Variants in TTC28 observed in about 807,000 individuals in gnomAD.
TTC28 encodes the protein tetratricopeptide repeat domain 28.
TTC28 carries 61 observed loss-of-function variants against 198.0 expected under a neutral mutation model. The ratio of observed to expected loss-of-function variants is 0.31; its 90% CI spans 0.25 to 0.38. TTC28 has a LOEUF of 0.38. Ranked by LOEUF, TTC28 falls within the 10% of genes least tolerant of loss-of-function variation. The pLI, the probability that TTC28 is intolerant of heterozygous loss-of-function variation, is 1.00. For synonymous variants in TTC28, 1,171 were observed against 1,297.8 expected, an observed-to-expected ratio of 0.90 and a Z score of 2.10; for missense variants, 2,678 against 3,164.0, an observed-to-expected ratio of 0.85 and a Z score of 3.69.
chr22:28,382,014 A>G (rs1174229260), intron 2 of TTC28, among the ~76,000 whole-genome samples: 1 of 152,164 alleles, frequency 6.6e-6, no homozygotes, highest in African/African-American at 2.4e-5. Flanking sequence ...GTAGATAGCT[A>G]GCCCAACATT....
chr22:28,062,248 C>T (rs1261401761), intron 12 of TTC28, among the ~76,000 whole-genome samples: 3 of 151,434 alleles, frequency 2.0e-5, no homozygotes, highest in Admixed American at 6.6e-5. Flanking sequence ...TTAGTAGAGA[C>T]GGGGGTTTCA....
At chr22:28,244,725 T>C (rs1218960053) in intron 5 of TTC28, among the ~76,000 whole-genome samples, 1 of 152,248 alleles carries the variant, frequency 6.6e-6, no homozygotes, top group Non-Finnish European at 1.5e-5. Context: ...TTTTAATTCA[T>C]GACAAATTAC....
At chr22:28,044,204 C>T (rs1328748209) in intron 12 of TTC28, among the ~76,000 whole-genome samples, 1 of 152,168 alleles carries the variant, frequency 6.6e-6, no homozygotes, top group African/African-American at 2.4e-5. Flanking sequence ...TCTTCTTGTA[C>T]ATCACTTTAG....
intron 1 of TTC28, among the ~76,000 whole-genome samples, 168 bp from the exon 2 acceptor site, chr22:28,629,998 T>C (rs536196298): frequency 6.6e-6 from 1 of 152,242 alleles, no homozygotes; most frequent in Admixed American, 6.5e-5. Context: ...AAATCCCTCA[T>C]GAACAGATTA....
chr22:28,573,935 A>G (rs2050102095), intron 2 of TTC28, among the ~76,000 whole-genome samples: 1 of 152,142 alleles, frequency 6.6e-6, no homozygotes, highest in African/African-American at 2.4e-5. Context: ...TCCCATAAAT[A>G]AGTGAGAAGA....
At chr22:28,264,825 C>A (rs1601549616) in intron 5 of TTC28, among the ~76,000 whole-genome samples, 1 of 152,014 alleles carries the variant, frequency 6.6e-6, no homozygotes, top group Non-Finnish European at 1.5e-5. Flanking sequence ...CTGAAGACTG[C>A]GATATGAGTG....
intron 6 of TTC28, among the ~76,000 whole-genome samples, chr22:28,126,021 A>G (rs1942905337): frequency 6.6e-6 from 1 of 152,210 alleles, no homozygotes; most frequent in African/African-American, 2.4e-5. Flanking sequence ...TGTATTCTCT[A>G]TTACTGAAAG....
intron 12 of TTC28, among the ~76,000 whole-genome samples, chr22:28,082,824 A>G (rs547652887): frequency 4.6e-5 from 7 of 152,170 alleles, no homozygotes; most frequent in African/African-American, 1.7e-4. Flanking sequence ...GATTGGTATT[A>G]ATTCTTCCTT....
At chr22:28,069,916 G>C (rs1940898876) in intron 12 of TTC28, among the ~76,000 whole-genome samples, 1 of 135,658 alleles carries the variant, frequency 7.4e-6, no homozygotes, top group African/African-American at 2.9e-5. Context: ...TAAATTGAAA[G>C]GTTGTACAAA....
chr22:28,583,795 A>C (rs1376704471), intron 2 of TTC28, among the ~76,000 whole-genome samples: 2 of 152,182 alleles, frequency 1.3e-5, no homozygotes, highest in Non-Finnish European at 2.9e-5. Flanking sequence ...AGAATATAAG[A>C]ATAAAAATAT....
chr22:28,376,829 C>G (rs1534884), intron 2 of TTC28, among the ~76,000 whole-genome samples: 1 of 152,032 alleles, frequency 6.6e-6, no homozygotes, highest in Non-Finnish European at 1.5e-5. Context: ...CCCGACCTGA[C>G]GTCTTCAGCT....
At chr22:28,595,654 A>C (rs1344652037) in intron 2 of TTC28, among the ~76,000 whole-genome samples, 1 of 152,214 alleles carries the variant, frequency 6.6e-6, no homozygotes, top group African/African-American at 2.4e-5. Context: ...GACCAGGCGC[A>C]GTGACTCACG....
intron 3 of TTC28, among the ~76,000 whole-genome samples, chr22:28,301,600 G>C (rs1266912633): frequency 6.6e-6 from 1 of 152,162 alleles, no homozygotes; most frequent in Non-Finnish European, 1.5e-5. Context: ...AACAATCTCT[G>C]AATTTGGGAT....
intron 5 of TTC28, among the ~76,000 whole-genome samples, chr22:28,238,760 T>C (rs1929439559): frequency 6.6e-6 from 1 of 152,144 alleles, no homozygotes; most frequent in Non-Finnish European, 1.5e-5. Context: ...CCCTCAATAA[T>C]TATTTTTTGC....
At position 28,030,288 on chromosome 22, in the gene TTC28, G is replaced by A. The variant is rs769261507; in HGVS notation, c.4011C>T (p.Leu1337=). 11 of 1,551,778 alleles carry A rather than the reference G, an allele frequency of 7.1e-6. No individual in the cohort carries two copies. The South Asian group carries it at 1.1e-4, about 15-fold the overall frequency. Residue 1337 remains leucine, a synonymous_variant, in exon 13 of 23, where the codon CTC becomes CTT. Transcript: ENST00000397906. ...DQQFEEMNNK[L]NSVTDPTGFL... ...AGCCAGTGGGGTCAGTGACCGAGTT[G>A]AGTTTGTTGTTCATCTCTTCAAATT...
At chr22:28,231,549 T>C (rs1000838333) in intron 5 of TTC28, among the ~76,000 whole-genome samples, 1 of 152,344 alleles carries the variant, frequency 6.6e-6, no homozygotes, top group Middle Eastern at 3.4e-3. Flanking sequence ...CTCATGTCTG[T>C]AGATCACAGC....
intron 5 of TTC28, among the ~76,000 whole-genome samples, chr22:28,214,365 T>G (rs1392156011): frequency 6.6e-6 from 1 of 151,830 alleles, no homozygotes; most frequent in Non-Finnish European, 1.5e-5. Flanking sequence ...AGGGAGAAAA[T>G]TTTTACAATC....
Position 28,083,169 on chromosome 22 carries a change from T to C in TTC28, c.3932+10911A>G, listed in dbSNP as rs575727177. On this transcript the variant is annotated intron_variant, in intron 12 of 22. Coordinates refer to ENST00000397906, the MANE Select transcript of TTC28 (RefSeq NM_001145418.2). ...ATGGGGACATTAAAGAGTTAGGCTT[T>C]AGGTGTTTTAGACCAGAGGTGCCTG... 5.9e-5 allele frequency among the ~76,000 whole-genome samples: 9 copies of C among 152,172 alleles called. No individual in the cohort carries two copies. In the East Asian group the frequency reaches 1.7e-3, roughly 29 times the overall value.
chr22:28,546,694 T>C (rs72617287), intron 2 of TTC28, among the ~76,000 whole-genome samples: 30,296 of 152,022 alleles, frequency 0.2, 3,664 homozygotes, highest in East Asian at 0.39. Flanking sequence ...TTATTCATAA[T>C]ACTAAAAAAT....
Sources: gnomAD v4.1 joint callset for allele counts (sites outside exome capture counted in the v4.1 genomes callset) on GRCh38, gnomAD v4.1.1 for gene constraint, MANE v1.5 for transcripts, NCBI Gene and HGNC (gene_info 2026-07-23, HGNC 2026-07-21) for gene names.